PLCL2: variants seen among roughly 807,000 people sequenced by gnomAD.
PLCL2 encodes phospholipase C like 2, also known as inactive phospholipase C-like protein 2.
In PLCL2, 4 loss-of-function variants were observed where a neutral mutation model predicts 79.6. The ratio of observed to expected loss-of-function variants is 0.05; its 90% CI spans 0.02 to 0.11. The LOEUF (loss-of-function observed/expected upper bound fraction) is 0.11. Among genes scored for constraint, PLCL2 ranks in the 10% least tolerant of loss-of-function variants. The pLI is 1.00. For synonymous variants in PLCL2, 484 were observed against 457.7 expected (o/e 1.06, Z -0.73); for missense variants, 895 against 1,291.0 (o/e 0.69, Z 4.70).
chr3:17,057,074 A>G (rs947551556), intron 4 of PLCL2, among the ~76,000 whole-genome samples: 1 of 152,190 alleles, frequency 6.6e-6, no homozygotes. Flanking sequence ...GGGCCCAATT[A>G]TGGAAGCCTT....
intron 1 of PLCL2, among the ~76,000 whole-genome samples, chr3:16,990,114 CGAT>C (rs1160769796): frequency 2.1e-5 from 3 of 141,388 alleles, no homozygotes; most frequent in Admixed American, 1.4e-4. Flanking sequence ...ATGAGGATGA[CGAT>C]GACGATGATG....
intron 1 of PLCL2, among the ~76,000 whole-genome samples, chr3:16,979,879 G>A (rs562730796): frequency 1.5e-4 from 22 of 150,626 alleles, no homozygotes; most frequent in Admixed American, 5.3e-4. Context: ...GGTGGTGGCC[G>A]GGCAGAGGGG....
chr3:17,048,774 C>T (rs1044281788), intron 4 of PLCL2, among the ~76,000 whole-genome samples: 1 of 152,132 alleles, frequency 6.6e-6, no homozygotes, highest in Non-Finnish European at 1.5e-5. Flanking sequence ...GTTGCATTCA[C>T]AGTAAAAAGT....
chr3:17,070,153 G>T (rs1282570696), intron 5 of PLCL2, among the ~76,000 whole-genome samples: 2 of 152,078 alleles, frequency 1.3e-5, no homozygotes, highest in Non-Finnish European at 2.9e-5. Context: ...CAGCAACCTG[G>T]GCCTCAGAGG....
At chr3:16,908,933 G>A (rs1481852149) in intron 1 of PLCL2, among the ~76,000 whole-genome samples, 1 of 152,116 alleles carries the variant, frequency 6.6e-6, no homozygotes, top group African/African-American at 2.4e-5. Context: ...TATGTGAGAA[G>A]CATCGTGACA....
intron 1 of PLCL2, among the ~76,000 whole-genome samples, chr3:16,942,451 A>C (rs1290509119): frequency 6.6e-6 from 1 of 152,168 alleles, no homozygotes; most frequent in East Asian, 1.9e-4. Context: ...CTAGAAAACA[A>C]GCCCTGAAAG....
rs1345014950 is a variant in PLCL2, at chr3:16,886,805, G to C, written c.327+1439G>C. ...TGCATGATAATCAATCCTATTGACA[G>C]AGTTAGGTGACATTTCTGTTTTTAT... On this transcript the variant is annotated intron_variant, in intron 1 of 5. Coordinates refer to ENST00000615277, the MANE Select transcript of PLCL2 (RefSeq NM_001144382.2). This position sits in a 1 kb window ranked among gnomAD's most constrained non-coding sequence, Gnocchi z 4.2. 6.6e-6 allele frequency among the ~76,000 whole-genome samples: 1 copy of C among 152,226 alleles called. No individual in the cohort carries two copies. The highest frequency in any genetic ancestry group is 1.5e-5 in the Non-Finnish European group (1 of 68,036).
chr3:17,012,299 C>T lies in PLCL2; in HGVS notation c.2814+139C>T, dbSNP rs2064334672. 9 of 732,172 alleles carry T rather than the reference C, an allele frequency of 1.2e-5. No homozygotes were observed. The East Asian group carries it at 2.5e-4, about 21-fold the overall frequency. The allele number at this position is 732,172 out of a possible 1,614,324, so 45.4% of individuals were successfully genotyped here. ...TGATTAGTTCTTAGAATGTTTGCCA[C>T]TAGTCTGTTTTTTATCATTTAACTT... is the stretch of plus-strand genomic sequence containing the variant. On this transcript the variant is annotated intron_variant, in intron 2 of 5. Transcript: ENST00000615277.
intron 3 of PLCL2, among the ~76,000 whole-genome samples, chr3:17,029,487 G>C (rs1301470498): frequency 6.6e-6 from 1 of 152,144 alleles, no homozygotes. Context: ...GCTGCCTGAG[G>C]TGGGAACATC....
chr3:16,885,318 C>T lies in PLCL2; in HGVS notation c.279C>T (p.Pro93=), dbSNP rs1696191285. The T allele has an allele frequency of 4.5e-6, 3 of 667,096 alleles. No individual in the cohort carries two copies. The East Asian group carries it at 9.1e-5, about 20-fold the overall frequency. The allele number at this position is 667,096 out of a possible 1,614,324, so 41.3% of individuals were successfully genotyped here. The change falls in exon 1 of 6, where the codon CCC becomes CCT. Residue 93 remains proline (P), a synonymous_variant. Transcript: ENST00000615277. ...CCAGCGCGGTCGTCTGTACCCTCCC[C>T]CGGGAGAGCAAGCCGGGCGGCCTGC... is the stretch of plus-strand genomic sequence containing the variant. ...PTPSAVVCTL[P]RESKPGGLPR... is the part of the protein sequence containing the mutation.
At chr3:16,932,908 T>C (rs1188760450) in intron 1 of PLCL2, among the ~76,000 whole-genome samples, 1 of 152,224 alleles carries the variant, frequency 6.6e-6, no homozygotes, top group Non-Finnish European at 1.5e-5. Flanking sequence ...CTTTTTTCCT[T>C]CTTCTTCTTT....
At chr3:17,083,270 T>C (rs2065181870) in intron 5 of PLCL2, among the ~76,000 whole-genome samples, 1 of 152,128 alleles carries the variant, frequency 6.6e-6, no homozygotes. Context: ...CAAGATGGCA[T>C]CAAGGGGAGG....
At chr3:17,016,534 G>A (rs545490660) in intron 3 of PLCL2, among the ~76,000 whole-genome samples, 1 of 152,242 alleles carries the variant, frequency 6.6e-6, no homozygotes, top group East Asian at 1.9e-4. Context: ...GTGCCAAAGG[G>A]GTCCACAAAG....
chr3:16,899,242 T>A (rs2124919266), intron 1 of PLCL2, among the ~76,000 whole-genome samples: 1 of 152,314 alleles, frequency 6.6e-6, no homozygotes, highest in Non-Finnish European at 1.5e-5. Flanking sequence ...TGTATATGGA[T>A]GGAGCGTCTC....
Position 16,894,711 on chromosome 3 carries a change from A to G in PLCL2, c.327+9345A>G, listed in dbSNP as rs151109601. Reference sequence around the variant, plus strand: ...TTTCTCTCATGGCTAATGATGTTGAACATCTTTTCATATGTTTCTTGGCCA... The same window carrying G: ...TTTCTCTCATGGCTAATGATGTTGAGCATCTTTTCATATGTTTCTTGGCCA... On this transcript the variant is annotated intron_variant, in intron 1 of 5. Transcript: ENST00000615277. Among the ~76,000 whole-genome samples the G allele has an allele frequency of 7.8e-3, 1,191 of 152,206 alleles. 17 individuals are homozygous for G. The highest frequency in any genetic ancestry group is 0.027 in the African/African-American group (1,114 of 41,540).
chr3:17,049,694 A>G (rs2064818840), intron 4 of PLCL2, among the ~76,000 whole-genome samples: 1 of 152,214 alleles, frequency 6.6e-6, no homozygotes, highest in African/African-American at 2.4e-5. Context: ...ACATAAAAAA[A>G]TGGAAAGATA....
At chr3:16,937,983 C>T (rs1416018784) in intron 1 of PLCL2, among the ~76,000 whole-genome samples, 1 of 152,158 alleles carries the variant, frequency 6.6e-6, no homozygotes, top group African/African-American at 2.4e-5. Flanking sequence ...TGGCAATTCA[C>T]GTGTAATTTG....
intron 4 of PLCL2, among the ~76,000 whole-genome samples, chr3:17,052,168 C>T (rs966829823): frequency 3.4e-5 from 5 of 149,150 alleles, no homozygotes; most frequent in Middle Eastern, 3.6e-3. Context: ...TGGAGAAAAC[C>T]GTCCAGATGT....
intron 4 of PLCL2, among the ~76,000 whole-genome samples, chr3:17,061,246 T>G (rs957243037): frequency 3.9e-5 from 6 of 152,214 alleles, no homozygotes; most frequent in Admixed American, 3.9e-4. Flanking sequence ...GGCCCTCACT[T>G]CCTTTCAAAG....
Sources: allele counts gnomAD v4.1 joint callset (sites outside exome capture counted in the v4.1 genomes callset), GRCh38; gene constraint gnomAD v4.1.1; non-coding constraint Gnocchi (gnomAD v3.1); transcripts MANE v1.5; gene names NCBI Gene and HGNC (gene_info 2026-07-23, HGNC 2026-07-21).